The following SLC25A14 variants were observed in gnomAD, a reference collection of about 807,000 sequenced individuals.
SLC25A14 encodes solute carrier family 25 member 14.
Under a neutral mutation model 28.1 loss-of-function variants are expected in SLC25A14, and 8 were observed. The ratio of observed to expected loss-of-function variants is 0.28; its 90% CI spans 0.17 to 0.51. SLC25A14 has a LOEUF of 0.51. Ranked by LOEUF, SLC25A14 falls within the 20% of genes least tolerant of loss-of-function variation. The pLI is 0.97. For missense variants in SLC25A14, 135 were observed against 263.8 expected, an observed-to-expected ratio of 0.51 and a Z score of 3.38; for synonymous variants, 74 against 90.6, an observed-to-expected ratio of 0.82 and a Z score of 1.04.
At chrX:130,358,922 A>G (rs1453967994) in intron 7 of SLC25A14, 187 bp downstream of exon 7, 2 of 740,500 alleles carry the variant, frequency 2.7e-6, no homozygotes, top group Non-Finnish European at 4.1e-6. Flanking sequence ...TTTGGGGATT[A>G]TATAGGTGGG....
chrX:130,359,895 A>G (rs2033916649), intron 7 of SLC25A14, among the ~76,000 whole-genome samples: 1 of 111,112 alleles, frequency 9.0e-6, no homozygotes, highest in East Asian at 2.8e-4. Context: ...ATGGCACTCA[A>G]TTAAATTCTT....
At chrX:130,365,409 T>C (rs2034090870) in intron 8 of SLC25A14, 132 bp from the exon 9 acceptor site, 1 of 1,061,108 alleles carries the variant, frequency 9.4e-7, no homozygotes, top group Admixed American at 3.9e-5. Context: ...CTTTAGATTG[T>C]AACGAAAGGC....
intron 6 of SLC25A14, among the ~76,000 whole-genome samples, chrX:130,355,300 G>T (rs1370811725): frequency 8.9e-6 from 1 of 112,174 alleles, no homozygotes; most frequent in Non-Finnish European, 1.9e-5. Flanking sequence ...GTTACCTGAT[G>T]ATGGGTGGCT....
intron 9 of SLC25A14, 54 bp downstream of exon 9, chrX:130,365,730 C>T: frequency 1.1e-6 from 1 of 898,342 alleles, no homozygotes; most frequent in Non-Finnish European, 1.6e-6. Context: ...TGTCTTAGAC[C>T]TTCCTTCAGT....
intron 9 of SLC25A14, among the ~76,000 whole-genome samples, chrX:130,366,237 C>A (rs762692910): frequency 8.9e-6 from 1 of 112,252 alleles, no homozygotes; most frequent in East Asian, 2.8e-4. Context: ...ATATTAGACA[C>A]CATTTTAGTA....
chrX:130,348,786 C>G (rs1325771152), intron 4 of SLC25A14, among the ~76,000 whole-genome samples: 1 of 78,301 alleles, frequency 1.3e-5, no homozygotes, highest in South Asian at 7.4e-4. Flanking sequence ...CTCTACCCCC[C>G]CCCCCCCTTT....
chrX:130,351,396 G>T (rs1205571797), intron 6 of SLC25A14, among the ~76,000 whole-genome samples: 1 of 111,266 alleles, frequency 9.0e-6, no homozygotes, highest in Non-Finnish European at 1.9e-5. Context: ...ATTTTGGCCT[G>T]TATTGGAATA....
intron 7 of SLC25A14, among the ~76,000 whole-genome samples, chrX:130,361,297 C>T (rs1160647701): frequency 4.5e-5 from 5 of 111,677 alleles, no homozygotes; most frequent in African/African-American, 9.8e-5. Context: ...GTTATATAGC[C>T]GAAAGTGGAA....
At chrX:130,350,766 A>C (rs1475696574) in intron 6 of SLC25A14, 35 bp downstream of exon 6, 1 of 934,350 alleles carries the variant, frequency 1.1e-6, no homozygotes, top group Non-Finnish European at 1.5e-6. Context: ...AAAGGAGCAT[A>C]ACTTTGAGTC....
At chrX:130,362,631 C>T (rs76826260) in intron 7 of SLC25A14, among the ~76,000 whole-genome samples, 3,462 of 111,647 alleles carry the variant, frequency 0.031, 110 homozygotes, top group East Asian at 0.18. Flanking sequence ...TACCTTTTCC[C>T]CTGAAGATAG....
At chrX:130,360,081 C>CT (rs767830129) in intron 7 of SLC25A14, among the ~76,000 whole-genome samples, 58 of 81,566 alleles carry the variant, frequency 7.1e-4, no homozygotes, top group South Asian at 4.0e-3. Context: ...TTTTTTTTTT[C>CT]TTTTTTTTTT....
chrX:130,346,875 G>A (rs2033457620), intron 4 of SLC25A14, among the ~76,000 whole-genome samples, 184 bp downstream of exon 4: 1 of 111,132 alleles, frequency 9.0e-6, no homozygotes, highest in Non-Finnish European at 1.9e-5. Flanking sequence ...TGTTCATTTG[G>A]TTATAAGTGA....
At chrX:130,350,969 C>A (rs745706721) in intron 6 of SLC25A14, among the ~76,000 whole-genome samples, 18 of 111,524 alleles carry the variant, frequency 1.6e-4, no homozygotes, top group African/African-American at 5.8e-4. Flanking sequence ...AGTAGATGCT[C>A]AATAAATGGC....
rs1425419735 is a variant in SLC25A14 at position 130,349,922 on chromosome X, C to T, written c.412+577C>T. ...GTCCTAAAGTCAACTTTTTCTGAAGCCTTTTTTTGGGGATTGTGAAGGGTT... is the reference window on the plus strand; with the variant it reads ...GTCCTAAAGTCAACTTTTTCTGAAGTCTTTTTTTGGGGATTGTGAAGGGTT... On this transcript the variant is annotated intron_variant, in intron 5 of 10. Coordinates refer to ENST00000545805, the MANE Select transcript of SLC25A14 (RefSeq NM_001282195.2). 3 of 111,617 alleles carry T rather than the reference C, an allele frequency of 2.7e-5. No individual in the cohort carries two copies. The Admixed American group carries it at 2.8e-4, about 11-fold the overall frequency. 9.2% of individuals were successfully genotyped at this position (111,617 alleles called of 1,213,427 possible). A position where few individuals can be genotyped will look rare whatever the true frequency, so the allele number is the denominator to read the frequency against.
chrX:130,339,949 T>A lies in SLC25A14; in HGVS notation c.-200T>A. The A allele has an allele frequency of 1.2e-6, 1 of 849,173 alleles. No individual in the cohort carries two copies. The highest frequency in any genetic ancestry group is 1.4e-6 in the Non-Finnish European group (1 of 701,100). 70.0% of individuals were successfully genotyped at this position (849,173 alleles called of 1,213,427 possible). A position where few individuals can be genotyped will look rare whatever the true frequency, so the allele number is the denominator to read the frequency against. On this transcript the variant is annotated 5_prime_UTR_variant, in exon 1 of 11. Coordinates refer to ENST00000545805, the MANE Select transcript of SLC25A14 (RefSeq NM_001282195.2). ...CGTTTCCGACTGTGGGAGCCTCAGC[T>A]TCCCAGTCGTCCGATGAGCCCGAGC...
chrX:130,368,209 T>TA (rs2034170130), intron 9 of SLC25A14, among the ~76,000 whole-genome samples: 1 of 112,578 alleles, frequency 8.9e-6, no homozygotes. Flanking sequence ...AGTGGTTACT[T>TA]AATGTCACAT....
chrX:130,348,058 G>A (rs2033497862), intron 4 of SLC25A14, among the ~76,000 whole-genome samples: 1 of 111,550 alleles, frequency 9.0e-6, no homozygotes, highest in African/African-American at 3.3e-5. Context: ...ACCATAGACT[G>A]GGTGACTTAT....
Position 130,340,120 on chromosome X carries a change from C to T in SLC25A14, c.-159C>T, listed in dbSNP as rs995616731. The T allele has an allele frequency of 4.0e-5, 44 of 1,098,052 alleles. No homozygotes were observed. Among genetic ancestry groups the T allele is most frequent in the Non-Finnish European group, 5.0e-5 (42 of 845,280 alleles). 90.5% of individuals were successfully genotyped at this position (1,098,052 alleles called of 1,213,427 possible). On this transcript the variant is annotated 5_prime_UTR_variant, in exon 2 of 11. Coordinates refer to ENST00000545805, the MANE Select transcript of SLC25A14 (RefSeq NM_001282195.2). ...CTCTCCCCTCAGCTGAGTCCCTTCC[C>T]TGTCTTTCACTCTTCTGGCATCGGT...
chrX:130,361,071 A>G (rs1403472101), intron 7 of SLC25A14, among the ~76,000 whole-genome samples: 1 of 112,314 alleles, frequency 8.9e-6, no homozygotes, highest in African/African-American at 3.2e-5. Flanking sequence ...ACTTAGCATG[A>G]TGTTCTCAAG....
Sources: gnomAD v4.1 joint callset for allele counts (sites outside exome capture counted in the v4.1 genomes callset) on GRCh38, gnomAD v4.1.1 for gene constraint, MANE v1.5 for transcripts, NCBI Gene and HGNC (gene_info 2026-07-23, HGNC 2026-07-21) for gene names.